The following TCF20 variants were observed in gnomAD, a reference collection of about 807,000 sequenced individuals.
TCF20 encodes SPRE-binding protein.
TCF20 carries 3 observed loss-of-function variants against 148.6 expected under a neutral mutation model. That is an observed-to-expected ratio of 0.02 (90% CI 0.01 to 0.05). The LOEUF is 0.05. Among genes scored for constraint, TCF20 ranks in the 10% least tolerant of loss-of-function variants. The probability of loss-of-function intolerance (pLI) is 1.00; values close to 1 mark genes in which losing one functional copy is unlikely to be tolerated. For synonymous variants in TCF20, 1,049 were observed against 909.5 expected (o/e 1.15, Z -2.76); for missense variants, 2,350 against 2,429.3 (o/e 0.97, Z 0.69).
At chr22:42,313,115 G>A (rs1050197784) in intron 1 of TCF20, among the ~76,000 whole-genome samples, 1 of 152,164 alleles carries the variant, frequency 6.6e-6, no homozygotes, top group African/African-American at 2.4e-5. Context: ...TCCCCACCTG[G>A]GAGTGCAGGT....
intron 1 of TCF20, among the ~76,000 whole-genome samples, chr22:42,236,199 CAAAA>C (rs1396710513): frequency 1.3e-5 from 2 of 151,450 alleles, no homozygotes; most frequent in Non-Finnish European, 1.5e-5. Context: ...AAAACAAAAA[CAAAA>C]AAACAAGTAA....
At chr22:42,298,135 C>G (rs1209597206) in intron 1 of TCF20, among the ~76,000 whole-genome samples, 3 of 152,204 alleles carry the variant, frequency 2.0e-5, no homozygotes, top group African/African-American at 7.2e-5. Flanking sequence ...GGGCACAAAT[C>G]CCAGGGCCCT....
chr22:42,181,289 T>C (rs1462856068), intron 2 of TCF20, among the ~76,000 whole-genome samples: 1 of 152,170 alleles, frequency 6.6e-6, no homozygotes, highest in African/African-American at 2.4e-5. Context: ...TTTCAAGCCA[T>C]TCTCCTGCCT....
Position 42,317,645 on chromosome 22 carries a change from G to C in TCF20, c.-37+25834C>G, listed in dbSNP as rs932832994. 1.3e-5 allele frequency among the ~76,000 whole-genome samples: 2 copies of C among 152,212 alleles called. No homozygotes were observed. Among genetic ancestry groups the C allele is most frequent in the Non-Finnish European group, 2.9e-5 (2 of 68,038 alleles). ...GGCTCTGCTCCTGCATTCCCGCTGGGGGCTGGGGGGGAAAGGGGTGTAGAC... is the reference window on the plus strand; with the variant it reads ...GGCTCTGCTCCTGCATTCCCGCTGGCGGCTGGGGGGGAAAGGGGTGTAGAC... On this transcript the variant is annotated intron_variant, in intron 1 of 1. Transcript: ENST00000515426. The surrounding 1 kb of genome is among the most constrained non-coding windows in gnomAD (Gnocchi z 4.2).
At chr22:42,253,143 T>C (rs900578223) in intron 1 of TCF20, among the ~76,000 whole-genome samples, 2 of 152,222 alleles carry the variant, frequency 1.3e-5, no homozygotes, top group African/African-American at 4.8e-5. Flanking sequence ...CCTATTTCCC[T>C]ATTCCCTAAT....
intron 1 of TCF20, among the ~76,000 whole-genome samples, chr22:42,242,421 TCCAAAAATA>T (rs1924521627): frequency 6.6e-6 from 1 of 151,782 alleles, no homozygotes; most frequent in Non-Finnish European, 1.5e-5. Flanking sequence ...TAGAATGTCT[TCCAAAAATA>T]ACATGAACCT....
At chr22:42,294,891 G>A (rs1927202819) in intron 1 of TCF20, among the ~76,000 whole-genome samples, 1 of 152,322 alleles carries the variant, frequency 6.6e-6, no homozygotes, top group African/African-American at 2.4e-5. Context: ...CTGGGGGACA[G>A]GGATGACCCT....
intron 2 of TCF20, among the ~76,000 whole-genome samples, chr22:42,194,178 G>A (rs546512234): frequency 2.6e-5 from 4 of 152,244 alleles, no homozygotes; most frequent in Admixed American, 2.6e-4. Flanking sequence ...CAGCTAATTT[G>A]GAAGATCTTA....
At position 42,221,741 on chromosome 22, in the gene TCF20, T is replaced by TTTTTTTTTTG. The variant is rs1435686470; in HGVS notation, c.-36-6401_-36-6400insCAAAAAAAAA. 4.4e-3 allele frequency among the ~76,000 whole-genome samples: 546 copies of TTTTTTTTTTG among 123,772 alleles called. 32 individuals carry two copies. In the South Asian group the frequency reaches 0.055, roughly 13 times the overall value. The allele number at this position is 123,772 out of a possible 152,430, so 81.2% of individuals were successfully genotyped here. A position where few individuals can be genotyped will look rare whatever the true frequency, so the allele number is the denominator to read the frequency against. The stretch of plus-strand genomic sequence containing the variant: ...GCTTATTAACCATATGGCAAAGGGT[T>TTTTTTTTTTG]TTTTTTTTTTTTTTTGAGACGGAGT... On this transcript the variant is annotated intron_variant, in intron 1 of 5. Transcript: ENST00000677622.
intron 1 of TCF20, among the ~76,000 whole-genome samples, chr22:42,334,347 G>A (rs1928028887): frequency 6.6e-6 from 1 of 152,050 alleles, no homozygotes. Flanking sequence ...TGTCCCAGGG[G>A]TACCCCAATG....
intron 3 of TCF20, among the ~76,000 whole-genome samples, chr22:42,170,295 C>T (rs1384374808): frequency 1.3e-5 from 2 of 148,640 alleles, no homozygotes; most frequent in Non-Finnish European, 3.0e-5. Flanking sequence ...ATCCAAGAGT[C>T]AAGACCAGCT....
chr22:42,310,437 T>G (rs1456699807), intron 1 of TCF20, among the ~76,000 whole-genome samples: 37 of 108,490 alleles, frequency 3.4e-4, no homozygotes, highest in South Asian at 8.5e-4. Context: ...CTCTGGGGGG[T>G]TGTGCGGGGG....
intron 2 of TCF20, among the ~76,000 whole-genome samples, chr22:42,185,781 C>T (rs1236609869): frequency 3.3e-5 from 5 of 152,172 alleles, no homozygotes; most frequent in African/African-American, 1.2e-4. Flanking sequence ...AGACGATCTC[C>T]TTACGTTTCT....
At chr22:42,314,189 G>A (rs868506168) in intron 1 of TCF20, among the ~76,000 whole-genome samples, 15 of 152,230 alleles carry the variant, frequency 9.9e-5, no homozygotes, top group African/African-American at 3.6e-4. Flanking sequence ...GCTAACCCAA[G>A]GACCTGAAGA....
intron 1 of TCF20, among the ~76,000 whole-genome samples, chr22:42,312,791 T>C (rs1397270513): frequency 6.6e-6 from 1 of 152,102 alleles, no homozygotes; most frequent in Non-Finnish European, 1.5e-5. Context: ...TGGAAGCTCA[T>C]AGAGTATCTC....
At chr22:42,243,292 CAAAAAAAAAA>C (rs3045578) in intron 1 of TCF20, among the ~76,000 whole-genome samples, 4,701 of 39,544 alleles carry the variant, frequency 0.12, 400 homozygotes, top group African/African-American at 0.34. Context: ...GACACTGTCT[CAAAAAAAAAA>C]AAAAAAAAAA....
chr22:42,222,822 C>A (rs1260390604), intron 1 of TCF20, among the ~76,000 whole-genome samples: 5 of 152,188 alleles, frequency 3.3e-5, no homozygotes, highest in Non-Finnish European at 7.3e-5. Flanking sequence ...AAAGTATTTA[C>A]CTTTAACCAG....
At chr22:42,185,089 A>G (rs749029317) in intron 2 of TCF20, among the ~76,000 whole-genome samples, 58 of 152,246 alleles carry the variant, frequency 3.8e-4, no homozygotes, top group African/African-American at 1.2e-3. Context: ...CTTATGAGAT[A>G]TAACAGCAAC....
chr22:42,196,851 A>C (rs1304616025), intron 2 of TCF20, among the ~76,000 whole-genome samples: 2 of 152,038 alleles, frequency 1.3e-5, no homozygotes, highest in Non-Finnish European at 2.9e-5. Context: ...AGGGACTAGC[A>C]CCACTTCAGA....
Sources: allele counts gnomAD v4.1 joint callset (sites outside exome capture counted in the v4.1 genomes callset), GRCh38; gene constraint gnomAD v4.1.1; non-coding constraint Gnocchi (gnomAD v3.1); transcripts MANE v1.5; gene names NCBI Gene and HGNC (gene_info 2026-07-23, HGNC 2026-07-21).